The following PTPRN2 variants were observed in gnomAD, a reference collection of about 807,000 sequenced individuals.
PTPRN2 encodes protein tyrosine phosphatase receptor type N2, also known as receptor-type tyrosine-protein phosphatase N2.
In PTPRN2, 74 loss-of-function variants were observed where a neutral mutation model predicts 118.8. That is an observed-to-expected ratio of 0.62 (90% CI 0.52 to 0.76). The LOEUF is 0.76. Among genes scored for constraint, PTPRN2 ranks in the 30% least tolerant of loss-of-function variants. The pLI, the probability that PTPRN2 is intolerant of heterozygous loss-of-function variation, is 0.00. For missense variants in PTPRN2, 1,481 were observed against 1,394.4 expected (o/e 1.06, Z -0.99); for synonymous variants, 641 against 608.0 (o/e 1.05, Z -0.80).
chr7:158,136,967 C>T (rs575154483), intron 7 of PTPRN2, among the ~76,000 whole-genome samples: 10 of 149,530 alleles, frequency 6.7e-5, no homozygotes, highest in African/African-American at 2.0e-4. Context: ...CTCACGTGAT[C>T]GACAAAGTTA....
At chr7:158,471,651 G>A (rs1819859971) in intron 2 of PTPRN2, among the ~76,000 whole-genome samples, 1 of 152,026 alleles carries the variant, frequency 6.6e-6, no homozygotes. Flanking sequence ...TTGCGCCACT[G>A]CACTCCAGCC....
chr7:158,274,002 AGGGAGCCGCAGACACAGG>A (rs1479778604), intron 3 of PTPRN2, among the ~76,000 whole-genome samples: 13 of 103,036 alleles, frequency 1.3e-4, no homozygotes, highest in African/African-American at 4.3e-4. Flanking sequence ...CCGCAGACAC[AGGGAGCCGCAGACACAGG>A]GGGAGCCGCA....
intron 12 of PTPRN2, among the ~76,000 whole-genome samples, chr7:157,877,792 G>A (rs1328137229): frequency 3.3e-5 from 5 of 152,200 alleles, no homozygotes; most frequent in Non-Finnish European, 7.3e-5. Flanking sequence ...GAGGGAGTCT[G>A]CTCAGAGACG....
rs545601924 is a variant in PTPRN2 at position 157,889,229 on chromosome 7, G to A, written c.1788+9444C>T. Among the ~76,000 whole-genome samples, 6 of 152,028 alleles carry A rather than the reference G, an allele frequency of 3.9e-5. No homozygotes were observed. In the South Asian group the frequency reaches 1.0e-3, roughly 26 times the overall value. On this transcript the variant is annotated intron_variant, in intron 12 of 22. Coordinates refer to ENST00000389418, the MANE Select transcript of PTPRN2 (RefSeq NM_002847.5). ...CCGTGACAGGATGAAGGTCAGACCC[G>A]CCTGGTTACCCGCCCCCATCATTAA... is the stretch of plus-strand genomic sequence containing the variant.
intron 2 of PTPRN2, among the ~76,000 whole-genome samples, chr7:158,332,696 G>T (rs1258345685): frequency 6.8e-6 from 1 of 146,490 alleles, no homozygotes; most frequent in Admixed American, 6.8e-5. Flanking sequence ...AACCATAAGA[G>T]TTGACACCTG....
intron 17 of PTPRN2, among the ~76,000 whole-genome samples, chr7:157,593,143 G>A (rs1801094964): frequency 6.7e-6 from 1 of 149,950 alleles, no homozygotes; most frequent in South Asian, 2.1e-4. Flanking sequence ...GAGAGTGGAT[G>A]TGGGCATCAT....
Position 157,632,287 on chromosome 7 carries a change from G to A in PTPRN2, c.2197-10778C>T, listed in dbSNP as rs1804010649. ...CATGAAGACCTGCGATGCGTGGAAAGGTGGCCTGGTGCACCAACGCCTGGT... is the reference window on the plus strand; with the variant it reads ...CATGAAGACCTGCGATGCGTGGAAAAGTGGCCTGGTGCACCAACGCCTGGT... On this transcript the variant is annotated intron_variant, in intron 14 of 22. Coordinates refer to ENST00000389418, the MANE Select transcript of PTPRN2 (RefSeq NM_002847.5). The surrounding 1 kb of genome is among the most constrained non-coding windows in gnomAD (Gnocchi z 4.3). Among the ~76,000 whole-genome samples the A allele has an allele frequency of 6.6e-6, 1 of 152,100 alleles. No homozygotes were observed. Among genetic ancestry groups the A allele is most frequent in the Non-Finnish European group, 1.5e-5 (1 of 68,014 alleles).
At chr7:158,571,635 T>G (rs1240981829) in intron 1 of PTPRN2, among the ~76,000 whole-genome samples, 1 of 149,272 alleles carries the variant, frequency 6.7e-6, no homozygotes, top group Non-Finnish European at 1.5e-5. Context: ...AGCAGGGGAC[T>G]TGAGGGATCA....
At chr7:158,347,178 G>T (rs1367841329) in intron 2 of PTPRN2, among the ~76,000 whole-genome samples, 3 of 152,164 alleles carry the variant, frequency 2.0e-5, no homozygotes, top group Non-Finnish European at 4.4e-5. Flanking sequence ...TGTTGCCCAG[G>T]ATAATGTTAT....
At chr7:157,708,581 C>T (rs1427170914) in intron 12 of PTPRN2, among the ~76,000 whole-genome samples, 4 of 152,112 alleles carry the variant, frequency 2.6e-5, no homozygotes, top group East Asian at 3.9e-4. Flanking sequence ...TCATGAGCTC[C>T]GTGTTCCTGT....
chr7:158,095,563 A>C (rs1308271390), intron 10 of PTPRN2, among the ~76,000 whole-genome samples: 3 of 152,126 alleles, frequency 2.0e-5, no homozygotes, highest in African/African-American at 7.2e-5. Context: ...AAGTTGAGAA[A>C]AACAGAGTCA....
At chr7:158,446,280 T>C (rs1817721894) in intron 2 of PTPRN2, among the ~76,000 whole-genome samples, 1 of 152,212 alleles carries the variant, frequency 6.6e-6, no homozygotes, top group Non-Finnish European at 1.5e-5. Context: ...CTATAAGCTA[T>C]AGGTAAGAAA....
At chr7:157,586,716 C>T (rs113200910) in intron 17 of PTPRN2, among the ~76,000 whole-genome samples, 40 of 151,326 alleles carry the variant, frequency 2.6e-4, no homozygotes, top group African/African-American at 9.2e-4. Flanking sequence ...TCAGGGGCCC[C>T]GCTGCTGGAT....
chr7:158,533,370 A>G (rs1825392807), intron 1 of PTPRN2, among the ~76,000 whole-genome samples: 1 of 152,232 alleles, frequency 6.6e-6, no homozygotes, highest in African/African-American at 2.4e-5. Flanking sequence ...GAAGCTCAGA[A>G]ATGGAGATTT....
intron 12 of PTPRN2, among the ~76,000 whole-genome samples, chr7:157,701,527 A>G (rs1798064123): frequency 1.3e-5 from 2 of 152,194 alleles, no homozygotes; most frequent in Admixed American, 1.3e-4. Context: ...ACACACTCTA[A>G]GAGGCCAGGG....
chr7:157,936,152 C>T (rs74773146), intron 11 of PTPRN2, among the ~76,000 whole-genome samples: 2,599 of 152,336 alleles, frequency 0.017, 59 homozygotes, highest in African/African-American at 0.058. Flanking sequence ...CCCCACTTTC[C>T]CTCCCTGCCA....
In PTPRN2 at chr7:157,839,076, C is replaced by T. The variant is rs149316069; in HGVS notation, c.1788+59597G>A. ...CCGCCGTGGCTACTCCAGTTCCTCTCGTCTTCCCTGGGGTGGCTACAGTGT... is the reference window on the plus strand; with the variant it reads ...CCGCCGTGGCTACTCCAGTTCCTCTTGTCTTCCCTGGGGTGGCTACAGTGT... On this transcript the variant is annotated intron_variant, in intron 12 of 22. Transcript: ENST00000389418. Among the ~76,000 whole-genome samples, 945 of 152,350 alleles carry T rather than the reference C, an allele frequency of 6.2e-3. 7 individuals carry two copies. The highest frequency in any genetic ancestry group is 0.02 in the African/African-American group (843 of 41,542).
intron 1 of PTPRN2, among the ~76,000 whole-genome samples, chr7:158,569,882 C>A (rs1289238062): frequency 1.4e-5 from 2 of 146,550 alleles, no homozygotes; most frequent in African/African-American, 5.1e-5. Flanking sequence ...GGCGCGAGGC[C>A]GCCTGACAGG....
intron 11 of PTPRN2, among the ~76,000 whole-genome samples, chr7:157,899,689 A>G (rs1050383733): frequency 6.6e-6 from 1 of 152,152 alleles, no homozygotes; most frequent in Admixed American, 6.5e-5. Context: ...GAGGGACGCG[A>G]TGAGATCTTG....
Sources: gnomAD v4.1 joint callset for allele counts (sites outside exome capture counted in the v4.1 genomes callset) on GRCh38, gnomAD v4.1.1 for gene constraint, Gnocchi (gnomAD v3.1) non-coding constraint, MANE v1.5 for transcripts, NCBI Gene and HGNC (gene_info 2026-07-23, HGNC 2026-07-21) for gene names.